Variants in ANAPC1 observed in about 807,000 individuals in gnomAD.
The protein encoded by ANAPC1 is anaphase promoting complex subunit 1, also known as anaphase-promoting complex subunit 1.
Under a neutral mutation model 208.0 loss-of-function variants are expected in ANAPC1, and 36 were observed. That is an observed-to-expected ratio of 0.17 (90% CI 0.13 to 0.23). ANAPC1 has a LOEUF of 0.23. ANAPC1 is among the 10% of genes least tolerant of loss of function. The probability of loss-of-function intolerance (pLI) is 1.00; values close to 1 mark genes in which losing one functional copy is unlikely to be tolerated. For synonymous variants in ANAPC1, 378 were observed against 695.2 expected (o/e 0.54, Z 7.18); for missense variants, 942 against 2,011.6 (o/e 0.47, Z 10.17).
chr2:111,827,833 C>T (rs1336085110), intron 21 of ANAPC1, among the ~76,000 whole-genome samples: 3 of 152,016 alleles, frequency 2.0e-5, no homozygotes, highest in African/African-American at 7.2e-5. Context: ...ACAAGGGCTT[C>T]TGTTGATATT....
chr2:111,769,174 A>AG lies in ANAPC1; in HGVS notation c.*116dup. On this transcript the variant is annotated 3_prime_UTR_variant, in exon 48 of 48. Coordinates refer to ENST00000341068, the MANE Select transcript of ANAPC1 (RefSeq NM_022662.4). ...ATTTAAAATACATTGAGGTTTGTGC[A>AG]GCTCATTTCCCCCTAGTTATACCAT... 1 of 628,446 alleles carries AG rather than the reference A, an allele frequency of 1.6e-6. No individual in the cohort carries two copies. Among genetic ancestry groups the AG allele is most frequent in the South Asian group, 2.0e-5 (1 of 50,790 alleles). The allele number at this position is 628,446 out of a possible 1,614,324, so 38.9% of individuals were successfully genotyped here.
intron 47 of ANAPC1, among the ~76,000 whole-genome samples, chr2:111,770,458 G>T (rs1467198357): frequency 6.9e-6 from 1 of 145,894 alleles, no homozygotes; most frequent in Non-Finnish European, 1.5e-5. Context: ...TTCACTGTGG[G>T]TTAATATTTA....
At chr2:111,876,957 A>G (rs1048656945) in intron 3 of ANAPC1, among the ~76,000 whole-genome samples, 2 of 152,124 alleles carry the variant, frequency 1.3e-5, no homozygotes, top group African/African-American at 4.8e-5. Flanking sequence ...TGCAGCAAAC[A>G]TATTTCACCT....
rs1335959438 is a variant in ANAPC1 at position 111,851,671 on chromosome 2, C to T, written c.1516-761G>A. On this transcript the variant is annotated intron_variant, in intron 13 of 47. Transcript: ENST00000341068. The stretch of plus-strand genomic sequence containing the variant: ...AATTAAAAAAAAAAAATTAGCCGGG[C>T]GTGGTGGCGGGCGCCTGTAGTCCCA... Among the ~76,000 whole-genome samples the T allele has an allele frequency of 5.9e-5, 9 of 151,842 alleles. No homozygotes were observed. The South Asian group carries it at 6.3e-4, about 11-fold the overall frequency.
chr2:111,806,039 G>A (rs1678657657), intron 29 of ANAPC1, 146 bp from the exon 30 acceptor site: 4 of 558,506 alleles, frequency 7.2e-6, no homozygotes, highest in East Asian at 3.2e-5. Flanking sequence ...ATAATAAATG[G>A]TGTCCACAAC....
intron 28 of ANAPC1, among the ~76,000 whole-genome samples, chr2:111,810,339 T>C (rs1213763483): frequency 6.6e-6 from 1 of 151,772 alleles, no homozygotes; most frequent in Non-Finnish European, 1.5e-5. Context: ...GAGTCACCAC[T>C]AGTGGGTACA....
At chr2:111,849,812 T>G (rs1322541424) in intron 14 of ANAPC1, among the ~76,000 whole-genome samples, 1 of 151,854 alleles carries the variant, frequency 6.6e-6, no homozygotes, top group Admixed American at 6.6e-5. Flanking sequence ...TCCTTATCTT[T>G]AATCCCAAAA....
In ANAPC1 at chr2:111,880,819, T is replaced by C; in HGVS notation, c.7A>G (p.Asn3Asp). 2 of 1,613,852 alleles carry C rather than the reference T, an allele frequency of 1.2e-6. No individual in the cohort carries two copies. The highest frequency in any genetic ancestry group is 1.7e-6 in the Non-Finnish European group (2 of 1,179,842). MS[N>D]FYEERTTMIA... Reference sequence around the variant, plus strand: ...ATCGTTGTCCTTTCTTCATAGAAGTTCGACATGGGTTCCAAATATCAACAT... The same window carrying C: ...ATCGTTGTCCTTTCTTCATAGAAGTCCGACATGGGTTCCAAATATCAACAT... Residue 3 changes from asparagine (N) to aspartate (D), a missense_variant, in exon 2 of 48, where the codon AAC becomes GAC. Asn to Asp is a conservative substitution (Grantham distance 23). Coordinates refer to ENST00000341068, the MANE Select transcript of ANAPC1 (RefSeq NM_022662.4).
intron 6 of ANAPC1, among the ~76,000 whole-genome samples, chr2:111,869,948 T>G (rs1245262257): frequency 1.3e-5 from 2 of 152,202 alleles, no homozygotes; most frequent in African/African-American, 4.8e-5. Context: ...TAGCTCTCAC[T>G]TGGAAGTGAG....
chr2:111,827,272 G>C (rs559678978), intron 21 of ANAPC1, among the ~76,000 whole-genome samples: 1 of 152,280 alleles, frequency 6.6e-6, no homozygotes, highest in East Asian at 1.9e-4. Context: ...TCTCAAAAGA[G>C]TTAAAATATT....
At chr2:111,878,526 T>C (rs926234608) in intron 3 of ANAPC1, among the ~76,000 whole-genome samples, 1 of 152,228 alleles carries the variant, frequency 6.6e-6, no homozygotes, top group Non-Finnish European at 1.5e-5. Context: ...TCATGTTTTA[T>C]AGGTTTTTGC....
intron 13 of ANAPC1, among the ~76,000 whole-genome samples, chr2:111,853,917 C>T (rs1238589022): frequency 6.6e-6 from 1 of 152,146 alleles, no homozygotes; most frequent in African/African-American, 2.4e-5. Flanking sequence ...AGGGTTTCAC[C>T]GTGTTAGCCA....
intron 17 of ANAPC1, among the ~76,000 whole-genome samples, chr2:111,840,267 T>C (rs1476909182): frequency 2.6e-5 from 4 of 152,034 alleles, no homozygotes; most frequent in Admixed American, 6.6e-5. Context: ...ACATTACATA[T>C]GTGAAAACAA....
intron 20 of ANAPC1, among the ~76,000 whole-genome samples, chr2:111,832,280 G>C (rs962351791): frequency 3.7e-4 from 55 of 147,926 alleles, no homozygotes; most frequent in African/African-American, 1.3e-3. Flanking sequence ...TCCCGTCTGG[G>C]CGACAGAGTG....
intron 17 of ANAPC1, among the ~76,000 whole-genome samples, chr2:111,842,920 G>T (rs1054668060): frequency 1.3e-5 from 2 of 152,134 alleles, no homozygotes; most frequent in African/African-American, 4.8e-5. Context: ...TAACAGAGTA[G>T]ATACTCAGGC....
chr2:111,810,958 T>C (rs539457540), intron 28 of ANAPC1, among the ~76,000 whole-genome samples: 17 of 150,682 alleles, frequency 1.1e-4, no homozygotes, highest in African/African-American at 3.7e-4. Context: ...CACCAGCTCC[T>C]AGAATGTATA....
chr2:111,794,318 G>A lies in ANAPC1; in HGVS notation c.4379C>T (p.Ala1460Val). 1 of 1,599,812 alleles carries A rather than the reference G, an allele frequency of 6.3e-7. No homozygotes were observed. The highest frequency in any genetic ancestry group is 8.5e-7 in the Non-Finnish European group (1 of 1,175,656). Residue 1460 changes from alanine to valine, a missense_variant, in exon 36 of 48, where the codon GCA (alanine) becomes GTA (valine). Ala to Val is a moderately conservative substitution (Grantham distance 64). Transcript: ENST00000341068. ...EDLNLETLSQ[A>V]HVYIIAGACL... The stretch of plus-strand genomic sequence containing the variant: ...GGCTCCTGCAATTATGTAGACATGT[G>A]CTTGGCTGAAAACAGGTGACAAGAA...
In ANAPC1 at chr2:111,806,638, C is replaced by T. The variant is rs867637426; in HGVS notation, c.3833-745G>A. 7.4e-3 allele frequency among the ~76,000 whole-genome samples: 835 copies of T among 112,884 alleles called. 6 individuals are homozygous for T. Among genetic ancestry groups the T allele is most frequent in the South Asian group, 0.027 (74 of 2,708 alleles). The allele number at this position is 112,884 out of a possible 152,430, so 74.1% of individuals were successfully genotyped here. On this transcript the variant is annotated intron_variant, in intron 29 of 47. Transcript: ENST00000341068. ...TGATAATGAATAAGGAGGTCACTTA[C>T]TTATGTTGTTAAGCTGTTAAATATT... is the stretch of plus-strand genomic sequence containing the variant.
intron 18 of ANAPC1, among the ~76,000 whole-genome samples, chr2:111,837,898 A>G (rs1051777328): frequency 1.3e-5 from 2 of 152,060 alleles, no homozygotes; most frequent in Non-Finnish European, 2.9e-5. Flanking sequence ...CAGCCTGGCC[A>G]ACATGGTGAA....
Sources: allele counts gnomAD v4.1 joint callset (sites outside exome capture counted in the v4.1 genomes callset), GRCh38; gene constraint gnomAD v4.1.1; transcripts MANE v1.5; gene names NCBI Gene and HGNC (gene_info 2026-07-23, HGNC 2026-07-21).